SYT16: variants seen among roughly 807,000 people sequenced by gnomAD.
SYT16 encodes the protein synaptotagmin 16.
Under a neutral mutation model 61.4 loss-of-function variants are expected in SYT16, and 42 were observed. The observed-to-expected ratio is 0.68, with a 90% CI of 0.53 to 0.89. The LOEUF (loss-of-function observed/expected upper bound fraction) is 0.89. SYT16 is among the 40% of genes least tolerant of loss of function. The pLI, the probability that SYT16 is intolerant of heterozygous loss-of-function variation, is 0.00. For synonymous variants in SYT16, 314 were observed against 302.3 expected (o/e 1.04, Z -0.40); for missense variants, 804 against 807.3 (o/e 1.00, Z 0.05).
chr14:62,045,365 G>A (rs991685078), intron 3 of SYT16, among the ~76,000 whole-genome samples: 5 of 151,966 alleles, frequency 3.3e-5, no homozygotes, highest in Non-Finnish European at 5.9e-5. Flanking sequence ...TAAAAGCATC[G>A]GGGTATGTTA....
At chr14:62,052,516 A>T (rs7159858) in intron 3 of SYT16, among the ~76,000 whole-genome samples, 68,928 of 152,082 alleles carry the variant, frequency 0.45, 18,879 homozygotes, top group African/African-American at 0.78. Context: ...TACTATGTAT[A>T]CTTTGATTGT....
intron 1 of SYT16, among the ~76,000 whole-genome samples, chr14:61,951,348 G>C (rs927526146): frequency 2.0e-5 from 3 of 152,150 alleles, no homozygotes; most frequent in Non-Finnish European, 4.4e-5. Flanking sequence ...AATTGGGAGA[G>C]TTTTATAATC....
chr14:62,007,503 A>G (rs1288388208), intron 3 of SYT16, among the ~76,000 whole-genome samples: 1 of 152,180 alleles, frequency 6.6e-6, no homozygotes, highest in Non-Finnish European at 1.5e-5. Context: ...GTAGATATTA[A>G]TGAACATGTT....
intron 3 of SYT16, among the ~76,000 whole-genome samples, chr14:62,047,554 G>A (rs1424578406): frequency 6.6e-6 from 1 of 152,070 alleles, no homozygotes; most frequent in Non-Finnish European, 1.5e-5. Context: ...TCTTGTGCCA[G>A]TTTTCAAAGG....
chr14:62,042,562 G>T (rs181596250), intron 3 of SYT16, among the ~76,000 whole-genome samples: 75 of 152,252 alleles, frequency 4.9e-4, no homozygotes, highest in Non-Finnish European at 8.4e-4. Context: ...CATTCTAGTT[G>T]GAACAGGCAC....
chr14:61,906,044 C>T (rs1002666427), intron 1 of SYT16, among the ~76,000 whole-genome samples: 3 of 152,164 alleles, frequency 2.0e-5, no homozygotes, highest in Non-Finnish European at 2.9e-5. Flanking sequence ...TGTGAGCCAC[C>T]GCGCCCAGCC....
At chr14:61,905,720 C>T (rs1338098672) in intron 1 of SYT16, among the ~76,000 whole-genome samples, 1 of 151,866 alleles carries the variant, frequency 6.6e-6, no homozygotes, top group African/African-American at 2.4e-5. Flanking sequence ...CACAGATCCC[C>T]TCCACTTCTA....
intron 1 of SYT16, among the ~76,000 whole-genome samples, chr14:61,838,979 C>T (rs1023348569): frequency 6.6e-6 from 1 of 151,044 alleles, no homozygotes; most frequent in South Asian, 2.1e-4. Flanking sequence ...GGCCCCCCAC[C>T]CCCCCGCCAT....
chr14:61,994,521 T>C (rs529853503), intron 2 of SYT16, among the ~76,000 whole-genome samples: 1 of 152,240 alleles, frequency 6.6e-6, no homozygotes, highest in African/African-American at 2.4e-5. Flanking sequence ...GATGTATATT[T>C]TGGAGTTTCA....
At chr14:62,073,000 G>A (rs10136491) in intron 4 of SYT16, among the ~76,000 whole-genome samples, 48,580 of 151,860 alleles carry the variant, frequency 0.32, 8,154 homozygotes, top group African/African-American at 0.43. Flanking sequence ...AAGGTGTCAT[G>A]ATCTTCTTTA....
At chr14:61,898,952 C>A (rs1418430251) in intron 1 of SYT16, among the ~76,000 whole-genome samples, 2 of 152,066 alleles carry the variant, frequency 1.3e-5, no homozygotes, top group Admixed American at 6.6e-5. Context: ...TCATATTGGG[C>A]AGAATGGAGG....
chr14:61,852,034 A>C (rs2046635052), intron 1 of SYT16, among the ~76,000 whole-genome samples: 1 of 151,984 alleles, frequency 6.6e-6, no homozygotes, highest in African/African-American at 2.4e-5. Context: ...TTTCTTCCAG[A>C]GTTTTTATAG....
intron 3 of SYT16, among the ~76,000 whole-genome samples, chr14:62,031,071 C>T (rs1325495100): frequency 1.2e-4 from 19 of 152,144 alleles, no homozygotes; most frequent in Admixed American, 1.0e-3. Context: ...ATAAGCTATA[C>T]GACATAGACT....
chr14:62,096,876 AGTTT>A (rs1208505335), intron 7 of SYT16, among the ~76,000 whole-genome samples: 2 of 152,170 alleles, frequency 1.3e-5, no homozygotes, highest in Admixed American at 1.3e-4. Flanking sequence ...ATATCCTGTC[AGTTT>A]GTGTGATTTT....
chr14:61,970,870 T>C (rs2051520161), intron 2 of SYT16, among the ~76,000 whole-genome samples: 1 of 152,186 alleles, frequency 6.6e-6, no homozygotes, highest in South Asian at 2.1e-4. Context: ...AGAGGGATGG[T>C]TATCATCACA....
At chr14:61,828,451 T>A (rs1269772425) in intron 1 of SYT16, among the ~76,000 whole-genome samples, 1 of 152,214 alleles carries the variant, frequency 6.6e-6, no homozygotes, top group African/African-American at 2.4e-5. Context: ...TCTTTTAGAG[T>A]AGGATTGCTG....
chr14:62,005,423 C>G (rs6573407), intron 3 of SYT16, among the ~76,000 whole-genome samples: 6,889 of 152,134 alleles, frequency 0.045, 534 homozygotes, highest in African/African-American at 0.16. Context: ...TCCCAAGGTT[C>G]CTATCCATTC....
At chr14:61,982,331 A>G (rs2052116407) in intron 2 of SYT16, among the ~76,000 whole-genome samples, 1 of 152,166 alleles carries the variant, frequency 6.6e-6, no homozygotes, top group Non-Finnish European at 1.5e-5. Flanking sequence ...ATTTATAAAG[A>G]AAAAGAAGTT....
intron 2 of SYT16, among the ~76,000 whole-genome samples, chr14:61,981,829 A>G (rs937049426): frequency 1.3e-5 from 2 of 152,186 alleles, no homozygotes; most frequent in Non-Finnish European, 2.9e-5. Flanking sequence ...AGTTATTTAC[A>G]TAAGGGTGCA....
Sources: allele counts gnomAD v4.1 joint callset (sites outside exome capture counted in the v4.1 genomes callset), GRCh38; gene constraint gnomAD v4.1.1; transcripts MANE v1.5; gene names NCBI Gene and HGNC (gene_info 2026-07-23, HGNC 2026-07-21).